Variants in SLC33A1 observed in about 807,000 individuals in gnomAD.
The protein encoded by SLC33A1 is solute carrier family 33 member 1, also known as acetyl-coenzyme A transporter 1.
A neutral mutation model predicts 50.0 loss-of-function variants in SLC33A1; 20 were observed. The ratio of observed to expected loss-of-function variants is 0.40; its 90% CI spans 0.28 to 0.58. The LOEUF (loss-of-function observed/expected upper bound fraction) is 0.58. Among genes scored for constraint, SLC33A1 ranks in the 20% least tolerant of loss-of-function variants. The probability of loss-of-function intolerance (pLI) is 0.44; values close to 1 mark genes in which losing one functional copy is unlikely to be tolerated. For missense variants in SLC33A1, 476 were observed against 657.0 expected (o/e 0.72, Z 3.01); for synonymous variants, 265 against 251.8 (o/e 1.05, Z -0.50).
chr3:155,830,007 T>C (rs1252363072), intron 4 of SLC33A1, 104 bp from the exon 5 acceptor site: 1 of 778,642 alleles, frequency 1.3e-6, no homozygotes, highest in Non-Finnish European at 2.1e-6. Flanking sequence ...ATTTTCATGG[T>C]ATTTATTGAA....
rs184210728 is a variant in SLC33A1 at position 155,835,016 on chromosome 3, T to C, written c.964-975A>G. On this transcript the variant is annotated intron_variant, in intron 2 of 5. Coordinates refer to ENST00000643144, the MANE Select transcript of SLC33A1 (RefSeq NM_004733.4). ...AAAATTAAAGTTATAAGGACTGTTA[T>C]TGTGTAAAATTTGGATATGGACTAT... 2.0e-5 allele frequency among the ~76,000 whole-genome samples: 3 copies of C among 152,338 alleles called. No homozygotes were observed. The East Asian group carries it at 5.8e-4, about 29-fold the overall frequency.
intron 1 of SLC33A1, 76 bp downstream of exon 1, chr3:155,853,147 T>G: frequency 7.6e-7 from 1 of 1,311,464 alleles, no homozygotes. Context: ...AGTAAATTAA[T>G]GAGCTTCCCT....
chr3:155,828,117 T>C lies in SLC33A1; in HGVS notation c.*93A>G. 2 of 892,216 alleles carry C rather than the reference T, an allele frequency of 2.2e-6. No homozygotes were observed. Among genetic ancestry groups the C allele is most frequent in the Non-Finnish European group, 3.6e-6 (2 of 548,940 alleles). The allele number at this position is 892,216 out of a possible 1,614,324, so 55.3% of individuals were successfully genotyped here. On this transcript the variant is annotated 3_prime_UTR_variant, in exon 6 of 6. Transcript: ENST00000643144. ...ATATTATTAATTTCGCTGTTTAAAATAATATTTTATACTCCTGTGCACTGA... is the reference window on the plus strand; with the variant it reads ...ATATTATTAATTTCGCTGTTTAAAACAATATTTTATACTCCTGTGCACTGA...
rs139755873 is a variant in SLC33A1 at position 155,833,718 on chromosome 3, T to C, written c.1149-133A>G. 7.4e-4 allele frequency: 688 copies of C among 934,430 alleles called. 14 individuals are homozygous for C. The East Asian group carries it at 0.013, about 17-fold the overall frequency. The allele number at this position is 934,430 out of a possible 1,614,324, so 57.9% of individuals were successfully genotyped here. A position where few individuals can be genotyped will look rare whatever the true frequency, so the allele number is the denominator to read the frequency against. ...TGTTAGGAGGTTAAAAAGATAAAAG[T>C]GCATATAAATAATATTGAAAAAAGA... On this transcript the variant is annotated intron_variant, in intron 3 of 5. Coordinates refer to ENST00000643144, the MANE Select transcript of SLC33A1 (RefSeq NM_004733.4).
intron 5 of SLC33A1, among the ~76,000 whole-genome samples, chr3:155,828,907 T>C (rs922906995): frequency 6.6e-6 from 1 of 151,378 alleles, no homozygotes; most frequent in Non-Finnish European, 1.5e-5. Context: ...TTTTTTTTTT[T>C]TTTTTTTTTT....
intron 2 of SLC33A1, among the ~76,000 whole-genome samples, chr3:155,835,462 T>C (rs977722826): frequency 8.5e-5 from 13 of 152,104 alleles, no homozygotes; most frequent in Admixed American, 5.9e-4. Flanking sequence ...CTGAAAAACT[T>C]GAGTTGCAAA....
At chr3:155,831,458 A>AG in intron 4 of SLC33A1, among the ~76,000 whole-genome samples, 1 of 35,378 alleles carries the variant, frequency 2.8e-5, no homozygotes, top group Non-Finnish European at 4.8e-5. Context: ...ACTCTGTCTC[A>AG]AAAAAAAAAA....
At chr3:155,836,805 T>A (rs1282335093) in intron 2 of SLC33A1, among the ~76,000 whole-genome samples, 1 of 151,846 alleles carries the variant, frequency 6.6e-6, no homozygotes, top group African/African-American at 2.4e-5. Context: ...GGTTGGAGGA[T>A]CACTTGAGCC....
chr3:155,837,157 G>A (rs1279131866), intron 2 of SLC33A1, among the ~76,000 whole-genome samples: 1 of 151,794 alleles, frequency 6.6e-6, no homozygotes, highest in African/African-American at 2.4e-5. Flanking sequence ...TCAGGAGATC[G>A]AGACCATCCT....
At position 155,831,132 on chromosome 3, in the gene SLC33A1, G is replaced by C. The variant is rs1335530747; in HGVS notation, c.1267-1229C>G. 2.0e-5 allele frequency among the ~76,000 whole-genome samples: 3 copies of C among 152,030 alleles called. No individual in the cohort carries two copies. The East Asian group carries it at 5.8e-4, about 29-fold the overall frequency. ...AAGTTATATTTCAGTACTCAGAATG[G>C]TTTCTGGCAGGGAATAGGTGTTCAC... On this transcript the variant is annotated intron_variant, in intron 4 of 5. Coordinates refer to ENST00000643144, the MANE Select transcript of SLC33A1 (RefSeq NM_004733.4).
rs1018573327 is a variant in SLC33A1 at position 155,825,570 on chromosome 3, A to G, written c.*2640T>C. On this transcript the variant is annotated 3_prime_UTR_variant, in exon 6 of 6. Transcript: ENST00000643144. ...GTCTCTAAAAAATAATAATAAAATA[A>G]AATAAAGTATTTACAATGGAAGGAA... The G allele has an allele frequency of 1.3e-5, 2 of 152,138 alleles. No homozygotes were observed. Among genetic ancestry groups the G allele is most frequent in the African/African-American group, 4.8e-5 (2 of 41,430 alleles). The allele number at this position is 152,138 out of a possible 1,614,324, so 9.4% of individuals were successfully genotyped here.
chr3:155,834,069 T>C (rs1446165085), intron 2 of SLC33A1, 28 bp from the exon 3 acceptor site: 1 of 1,586,632 alleles, frequency 6.3e-7, no homozygotes, highest in South Asian at 1.1e-5. Context: ...AAAAGTATTT[T>C]AATTCGTGAC....
intron 1 of SLC33A1, among the ~76,000 whole-genome samples, chr3:155,852,310 A>T (rs958447254): frequency 1.3e-5 from 2 of 152,104 alleles, no homozygotes; most frequent in African/African-American, 4.8e-5. Flanking sequence ...AACTATCTCA[A>T]TTAAAAAAAA....
chr3:155,830,104 C>T (rs1752354856), intron 4 of SLC33A1, among the ~76,000 whole-genome samples: 1 of 151,902 alleles, frequency 6.6e-6, no homozygotes, highest in South Asian at 2.1e-4. Context: ...TGGCTCATGC[C>T]TGTAATTCCA....
chr3:155,828,093 T>C lies in SLC33A1; in HGVS notation c.*117A>G. 1.3e-6 allele frequency: 1 copy of C among 742,006 alleles called. No individual in the cohort carries two copies. Among genetic ancestry groups the C allele is most frequent in the Non-Finnish European group, 2.3e-6 (1 of 434,892 alleles). The allele number at this position is 742,006 out of a possible 1,614,324, so 46.0% of individuals were successfully genotyped here. On this transcript the variant is annotated 3_prime_UTR_variant, in exon 6 of 6. Coordinates refer to ENST00000643144, the MANE Select transcript of SLC33A1 (RefSeq NM_004733.4). Reference sequence around the variant, plus strand: ...ATTTTTTCAACCATTTGGCATTTTATATTATTAATTTCGCTGTTTAAAATA... The same window carrying C: ...ATTTTTTCAACCATTTGGCATTTTACATTATTAATTTCGCTGTTTAAAATA...
Position 155,842,567 on chromosome 3 carries a change from G to A in SLC33A1, c.828C>T (p.Ala276=). ...TVFLITTTLV[A]LLKKENEVSV... is the part of the protein sequence containing the mutation. ...ATACTTCGTTTTCTTTTTTCAGAAG[G>A]GCAACCAATGTTGTTGTTATTAAAA... is the stretch of plus-strand genomic sequence containing the variant. The change falls in exon 2 of 6, where the codon GCC becomes GCT. Residue 276 remains alanine (A), a synonymous_variant. Transcript: ENST00000643144. 6.2e-7 allele frequency: 1 copy of A among 1,600,524 alleles called. No homozygotes were observed. Among genetic ancestry groups the A allele is most frequent in the East Asian group, 2.3e-5 (1 of 44,430 alleles).
In SLC33A1 at chr3:155,823,028, C is replaced by T. The variant is rs1752125524; in HGVS notation, c.*5182G>A. ...AGACTTTTCATTTACTATATAAAGT[C>T]TTTTTCTCCTACAAAATATCCATTC... On this transcript the variant is annotated 3_prime_UTR_variant, in exon 6 of 6. Coordinates refer to ENST00000643144, the MANE Select transcript of SLC33A1 (RefSeq NM_004733.4). 1 of 152,154 alleles carries T rather than the reference C, an allele frequency of 6.6e-6. No homozygotes were observed. The highest frequency in any genetic ancestry group is 1.5e-5 in the Non-Finnish European group (1 of 68,024). The allele number at this position is 152,154 out of a possible 1,614,324, so 9.4% of individuals were successfully genotyped here.
In SLC33A1 at chr3:155,852,888, C is replaced by T. The variant is rs192765444; in HGVS notation, c.775+335G>A. Reference sequence around the variant, plus strand: ...AAAGTATAGAGCTAGAAACCTAAAACCAACAAGACAAAAGGAAAAATGTGA... The same window carrying T: ...AAAGTATAGAGCTAGAAACCTAAAATCAACAAGACAAAAGGAAAAATGTGA... On this transcript the variant is annotated intron_variant, in intron 1 of 5. Transcript: ENST00000643144. Among the ~76,000 whole-genome samples the T allele has an allele frequency of 4.6e-5, 7 of 152,234 alleles. 1 individual carries two copies. The highest frequency in any genetic ancestry group is 4.6e-4 in the Admixed American group (7 of 15,288).
chr3:155,839,066 A>C (rs965180823), intron 2 of SLC33A1, among the ~76,000 whole-genome samples: 1 of 152,040 alleles, frequency 6.6e-6, no homozygotes, highest in African/African-American at 2.4e-5. Context: ...AGACGGGCAG[A>C]TCACCTGAAG....
Sources: gnomAD v4.1 joint callset for allele counts (sites outside exome capture counted in the v4.1 genomes callset) on GRCh38, gnomAD v4.1.1 for gene constraint, MANE v1.5 for transcripts, NCBI Gene and HGNC (gene_info 2026-07-23, HGNC 2026-07-21) for gene names.